The following PPA2 variants were observed in gnomAD, a reference collection of about 807,000 sequenced individuals.
PPA2 encodes the protein inorganic pyrophosphatase 2, mitochondrial.
In PPA2, 48 loss-of-function variants were observed where a neutral mutation model predicts 49.5. The ratio of observed to expected loss-of-function variants is 0.97; its 90% CI spans 0.77 to 1.23. PPA2 has a LOEUF of 1.23. Among genes scored for constraint, PPA2 ranks in the 50% most tolerant of loss-of-function variants. PPA2 has a pLI of 0.00. For synonymous variants in PPA2, 131 were observed against 139.9 expected (o/e 0.94, Z 0.45); for missense variants, 429 against 410.1 (o/e 1.05, Z -0.40).
intron 3 of PPA2, among the ~76,000 whole-genome samples, chr4:105,452,311 T>C (rs1486727584): frequency 1.3e-5 from 2 of 152,218 alleles, no homozygotes; most frequent in Non-Finnish European, 2.9e-5. Context: ...TTCATTAACC[T>C]GAAATAACTG....
chr4:105,425,757 CA>C (rs1560625276), intron 6 of PPA2, among the ~76,000 whole-genome samples: 2 of 150,532 alleles, frequency 1.3e-5, no homozygotes, highest in Non-Finnish European at 2.9e-5. Context: ...CACACACACA[CA>C]CACACCCATC....
intron 4 of PPA2, among the ~76,000 whole-genome samples, chr4:105,447,068 G>A (rs1722418883): frequency 1.3e-5 from 2 of 152,084 alleles, no homozygotes; most frequent in Non-Finnish European, 2.9e-5. Context: ...GTTTGCTGAT[G>A]ATATGATCTT....
At chr4:105,437,452 G>A (rs1422062923) in intron 6 of PPA2, among the ~76,000 whole-genome samples, 3 of 152,202 alleles carry the variant, frequency 2.0e-5, no homozygotes, top group Non-Finnish European at 4.4e-5. Context: ...TTTTTATTCA[G>A]TAGGATGTGG....
chr4:105,378,853 T>C (rs540699931), intron 10 of PPA2, among the ~76,000 whole-genome samples: 12 of 152,258 alleles, frequency 7.9e-5, no homozygotes, highest in African/African-American at 2.6e-4. Flanking sequence ...TGTGTCTAGA[T>C]TTGGTTACAC....
rs555807518 is a variant in PPA2 at position 105,461,075 on chromosome 4, A to C, written c.158-4330T>G. On this transcript the variant is annotated intron_variant, in intron 1 of 11. Coordinates refer to ENST00000341695, the MANE Select transcript of PPA2 (RefSeq NM_176869.3). Reference sequence around the variant, plus strand: ...AGATCTCAGATAATAATAATGCTTTAATGGGCAATATATCTATAAATTTGC... The same window carrying C: ...AGATCTCAGATAATAATAATGCTTTCATGGGCAATATATCTATAAATTTGC... Among the ~76,000 whole-genome samples the C allele has an allele frequency of 2.0e-5, 3 of 152,352 alleles. No homozygotes were observed. The South Asian group carries it at 6.2e-4, about 32-fold the overall frequency.
At chr4:105,405,319 G>C in intron 7 of PPA2, 6 of 757,614 alleles carry the variant, frequency 7.9e-6, no homozygotes, top group Non-Finnish European at 9.6e-6. Flanking sequence ...ATAACTTTTT[G>C]CTATACACAT....
intron 6 of PPA2, 107 bp downstream of exon 6, chr4:105,437,843 A>C: frequency 1.3e-6 from 1 of 756,184 alleles, no homozygotes; most frequent in South Asian, 2.2e-5. Flanking sequence ...CAGAGAAATC[A>C]ATAGGCTTGA....
chr4:105,389,877 T>C (rs925000027), intron 9 of PPA2, among the ~76,000 whole-genome samples: 5 of 152,154 alleles, frequency 3.3e-5, no homozygotes, highest in Non-Finnish European at 5.9e-5. Context: ...CCAGAGTTTA[T>C]AGAAGGAAGT....
Position 105,400,552 on chromosome 4 carries a change from T to C in PPA2, c.656-1388A>G, listed in dbSNP as rs552934207. On this transcript the variant is annotated intron_variant, in intron 7 of 11. Transcript: ENST00000341695. ...GGAGGCTGAGGCAGGAGAAATGCATTAGTCCAGGAGGTGGAGGCTGTAGTC... is the reference window on the plus strand; with the variant it reads ...GGAGGCTGAGGCAGGAGAAATGCATCAGTCCAGGAGGTGGAGGCTGTAGTC... 9.2e-5 allele frequency among the ~76,000 whole-genome samples: 14 copies of C among 152,090 alleles called. 1 individual carries two copies. Among genetic ancestry groups the C allele is most frequent in the Admixed American group, 2.6e-4 (4 of 15,250 alleles).
intron 6 of PPA2, 43 bp downstream of exon 6, chr4:105,437,907 A>C (rs750869104): frequency 6.7e-7 from 1 of 1,494,824 alleles, no homozygotes; most frequent in Non-Finnish European, 9.0e-7. Context: ...GGCATGAATA[A>C]ACCAAAACTC....
intron 10 of PPA2, among the ~76,000 whole-genome samples, chr4:105,371,956 T>A (rs1733041720): frequency 6.6e-6 from 1 of 152,186 alleles, no homozygotes. Flanking sequence ...GGGCCTCATC[T>A]GCACATGGGT....
At chr4:105,429,470 G>GAA (rs1380675007) in intron 6 of PPA2, among the ~76,000 whole-genome samples, 1 of 152,002 alleles carries the variant, frequency 6.6e-6, no homozygotes, top group Non-Finnish European at 1.5e-5. Context: ...AAAAAGTTAA[G>GAA]AAAAAAGTCA....
intron 6 of PPA2, among the ~76,000 whole-genome samples, chr4:105,433,863 G>A (rs1317415485): frequency 6.6e-6 from 1 of 152,198 alleles, no homozygotes; most frequent in South Asian, 2.1e-4. Flanking sequence ...GATATTTGCA[G>A]CTCTGAATAT....
chr4:105,465,879 C>T (rs1004344522), intron 1 of PPA2, among the ~76,000 whole-genome samples: 2 of 152,080 alleles, frequency 1.3e-5, no homozygotes, highest in African/African-American at 4.8e-5. Flanking sequence ...TCCATTTTGT[C>T]TGTTCTTTCC....
chr4:105,466,299 G>A (rs1723298118), intron 1 of PPA2, among the ~76,000 whole-genome samples: 1 of 151,388 alleles, frequency 6.6e-6, no homozygotes. Flanking sequence ...AATATTTCTT[G>A]AATATATGCA....
intron 1 of PPA2, among the ~76,000 whole-genome samples, chr4:105,459,926 G>A (rs1723016759): frequency 6.6e-6 from 1 of 152,180 alleles, no homozygotes; most frequent in Admixed American, 6.5e-5. Context: ...GACCCTAAAG[G>A]GGGCCACAAA....
chr4:105,412,687 C>T (rs1003462216), intron 7 of PPA2, among the ~76,000 whole-genome samples: 5 of 152,152 alleles, frequency 3.3e-5, no homozygotes, highest in African/African-American at 4.8e-5. Context: ...TGAACAGACA[C>T]TTCTCAAAAA....
At position 105,444,693 on chromosome 4, in the gene PPA2, CTTT is replaced by C. The variant is rs528615309; in HGVS notation, c.441+1687_441+1689del. ...TCTCTCTTTCCTGTCAATAGGTTTG[CTTT>C]TTTATTTTTTTCATAATTTTAAATT... is the stretch of plus-strand genomic sequence containing the variant. On this transcript the variant is annotated intron_variant, in intron 5 of 11. Transcript: ENST00000341695. Among the ~76,000 whole-genome samples the C allele has an allele frequency of 3.3e-5, 5 of 152,108 alleles. No homozygotes were observed. In the South Asian group the frequency reaches 1.0e-3, roughly 32 times the overall value.
intron 1 of PPA2, among the ~76,000 whole-genome samples, chr4:105,460,605 A>C (rs1323694293): frequency 6.6e-6 from 1 of 152,362 alleles, no homozygotes; most frequent in East Asian, 1.9e-4. Context: ...TTAACAGATT[A>C]CTTCAACGTT....
Sources: gnomAD v4.1 joint callset for allele counts (sites outside exome capture counted in the v4.1 genomes callset) on GRCh38, gnomAD v4.1.1 for gene constraint, MANE v1.5 for transcripts, NCBI Gene and HGNC (gene_info 2026-07-23, HGNC 2026-07-21) for gene names.